The following PCDH7 variants were observed in gnomAD, a reference collection of about 807,000 sequenced individuals.
PCDH7 encodes the protein protocadherin 7.
A neutral mutation model predicts 58.9 loss-of-function variants in PCDH7; 17 were observed. That is an observed-to-expected ratio of 0.29 (90% CI 0.20 to 0.43). The LOEUF (loss-of-function observed/expected upper bound fraction) is 0.43. Among genes scored for constraint, PCDH7 ranks in the 20% least tolerant of loss-of-function variants. PCDH7 has a pLI of 1.00. For synonymous variants in PCDH7, 664 were observed against 616.4 expected (o/e 1.08, Z -1.14); for missense variants, 1,274 against 1,441.0 (o/e 0.88, Z 1.88).
At chr4:31,072,900 G>T (rs543718821) in intron 3 of PCDH7, among the ~76,000 whole-genome samples, 1 of 152,206 alleles carries the variant, frequency 6.6e-6, no homozygotes, top group South Asian at 2.1e-4. Flanking sequence ...CTTTAGTGCG[G>T]AGTATGGAAG....
intron 3 of PCDH7, among the ~76,000 whole-genome samples, chr4:31,073,709 G>A (rs898188532): frequency 1.3e-5 from 2 of 152,086 alleles, no homozygotes; most frequent in Non-Finnish European, 2.9e-5. Context: ...ATCATTACAT[G>A]GTGGGATTAT....
chr4:31,001,013 G>A (rs1752324924), intron 3 of PCDH7, among the ~76,000 whole-genome samples: 1 of 101,296 alleles, frequency 9.9e-6, no homozygotes, highest in South Asian at 3.1e-4. Flanking sequence ...AATGTAAGTG[G>A]CGGCAGTGTG....
chr4:31,059,005 A>G (rs1757474922), intron 3 of PCDH7, among the ~76,000 whole-genome samples: 1 of 152,022 alleles, frequency 6.6e-6, no homozygotes. Flanking sequence ...AATACTTAAG[A>G]GAAATTGAAG....
At chr4:30,773,647 T>C (rs1273834888) in intron 1 of PCDH7, among the ~76,000 whole-genome samples, 3 of 152,166 alleles carry the variant, frequency 2.0e-5, no homozygotes, top group African/African-American at 7.2e-5. Context: ...GCTGCTTTCC[T>C]CTTGCCCACC....
At chr4:30,838,134 C>T (rs1412849911) in intron 1 of PCDH7, among the ~76,000 whole-genome samples, 1 of 151,680 alleles carries the variant, frequency 6.6e-6, no homozygotes, top group Non-Finnish European at 1.5e-5. Context: ...GCAAGTGAGT[C>T]CTTAAAATCT....
chr4:31,082,523 G>A (rs1175369154), intron 3 of PCDH7, among the ~76,000 whole-genome samples: 1 of 152,050 alleles, frequency 6.6e-6, no homozygotes, highest in East Asian at 1.9e-4. Context: ...CAGGACAGTT[G>A]GAAATACTGG....
intron 3 of PCDH7, among the ~76,000 whole-genome samples, chr4:31,048,276 G>A (rs1160200336): frequency 6.6e-6 from 1 of 151,952 alleles, no homozygotes; most frequent in Non-Finnish European, 1.5e-5. Context: ...ATTTCTTTAT[G>A]GCTCTACTCA....
At chr4:31,039,021 C>A (rs1444386710) in intron 3 of PCDH7, among the ~76,000 whole-genome samples, 1 of 152,072 alleles carries the variant, frequency 6.6e-6, no homozygotes, top group African/African-American at 2.4e-5. Flanking sequence ...ATAACACCTC[C>A]CCATAAGTGC....
chr4:30,835,202 A>T (rs961693965), intron 1 of PCDH7, among the ~76,000 whole-genome samples: 3 of 152,136 alleles, frequency 2.0e-5, no homozygotes, highest in Non-Finnish European at 2.9e-5. Flanking sequence ...GAGTCAGCAG[A>T]TTGAGACAGG....
chr4:31,131,451 CCAAT>C (rs779445607), intron 3 of PCDH7, among the ~76,000 whole-genome samples: 4 of 152,078 alleles, frequency 2.6e-5, no homozygotes, highest in Non-Finnish European at 5.9e-5. Flanking sequence ...ATTGTGATTG[CCAAT>C]TTTACTTTCA....
At chr4:30,783,630 A>C (rs1398074842) in intron 1 of PCDH7, among the ~76,000 whole-genome samples, 1 of 152,208 alleles carries the variant, frequency 6.6e-6, no homozygotes, top group East Asian at 1.9e-4. Flanking sequence ...TCAGGGTCAC[A>C]GATAAAGGAC....
intron 1 of PCDH7, among the ~76,000 whole-genome samples, chr4:30,877,577 C>T (rs539347950): frequency 5.3e-4 from 80 of 152,282 alleles, no homozygotes; most frequent in Non-Finnish European, 6.0e-4. Context: ...TGTCTCCTTC[C>T]GACTGGCTCT....
chr4:31,033,572 T>G (rs1755136330), intron 3 of PCDH7, among the ~76,000 whole-genome samples: 1 of 152,142 alleles, frequency 6.6e-6, no homozygotes, highest in African/African-American at 2.4e-5. Context: ...ATTCAAAAAC[T>G]CACTTCACGA....
At chr4:31,105,452 G>A (rs1162651139) in intron 3 of PCDH7, among the ~76,000 whole-genome samples, 2 of 152,086 alleles carry the variant, frequency 1.3e-5, no homozygotes, top group Admixed American at 6.5e-5. Flanking sequence ...AAGAACGGTT[G>A]GGTGGAAGAT....
intron 1 of PCDH7, among the ~76,000 whole-genome samples, chr4:30,765,670 G>A (rs1720647682): frequency 6.6e-6 from 1 of 152,198 alleles, no homozygotes; most frequent in South Asian, 2.1e-4. Context: ...ATCCTATGGT[G>A]TAAAAAGAAA....
chr4:30,817,047 G>A (rs1577918234), intron 1 of PCDH7, among the ~76,000 whole-genome samples: 2 of 152,144 alleles, frequency 1.3e-5, no homozygotes, highest in South Asian at 2.1e-4. Context: ...AACATCCTTA[G>A]GTATTTGATT....
At chr4:31,100,904 T>C (rs968217044) in intron 3 of PCDH7, among the ~76,000 whole-genome samples, 5 of 152,366 alleles carry the variant, frequency 3.3e-5, no homozygotes, top group Non-Finnish European at 7.3e-5. Flanking sequence ...TGTTAATTTC[T>C]GCCTAGATCA....
chr4:30,964,237 T>C (rs1467562196), intron 3 of PCDH7, among the ~76,000 whole-genome samples: 1 of 60,272 alleles, frequency 1.7e-5, no homozygotes, highest in Non-Finnish European at 2.8e-5. Context: ...TTTATTTATT[T>C]ATTTATTTAT....
intron 1 of PCDH7, among the ~76,000 whole-genome samples, chr4:30,858,863 GA>G (rs1486906717): frequency 6.6e-6 from 1 of 151,852 alleles, no homozygotes; most frequent in Non-Finnish European, 1.5e-5. Flanking sequence ...TGAATATATT[GA>G]GTTTCTGTTT....
Sources: allele counts gnomAD v4.1 joint callset (sites outside exome capture counted in the v4.1 genomes callset), GRCh38; gene constraint gnomAD v4.1.1; transcripts MANE v1.5; gene names NCBI Gene and HGNC (gene_info 2026-07-23, HGNC 2026-07-21).